The following PCDH15 variants were observed in gnomAD, a reference collection of about 807,000 sequenced individuals.
The protein encoded by PCDH15 is protocadherin-15.
A neutral mutation model predicts 178.5 loss-of-function variants in PCDH15; 129 were observed. The observed-to-expected ratio is 0.72, with a 90% CI of 0.63 to 0.84. The LOEUF (loss-of-function observed/expected upper bound fraction) is 0.84, where lower values mean the gene tolerates loss of function less well. PCDH15 is among the 40% of genes least tolerant of loss of function. The pLI is 0.00. For missense variants in PCDH15, 2,230 were observed against 2,099.9 expected, an observed-to-expected ratio of 1.06 and a Z score of -1.21; for synonymous variants, 800 against 732.0, an observed-to-expected ratio of 1.09 and a Z score of -1.50.
chr10:53,828,198 A>T (rs2076809962), intron 31 of PCDH15, among the ~76,000 whole-genome samples: 1 of 134,808 alleles, frequency 7.4e-6, no homozygotes, highest in African/African-American at 2.9e-5. Context: ...AAGAGCAAAA[A>T]GTCCGTCTCA....
chr10:54,017,383 G>T (rs1310703391), intron 20 of PCDH15, among the ~76,000 whole-genome samples: 1 of 152,012 alleles, frequency 6.6e-6, no homozygotes, highest in Non-Finnish European at 1.5e-5. Context: ...ACATGGAATC[G>T]ACCTAGATGC....
chr10:55,002,209 C>A (rs1415112231), intron 2 of PCDH15, among the ~76,000 whole-genome samples: 1 of 151,474 alleles, frequency 6.6e-6, no homozygotes, highest in Non-Finnish European at 1.5e-5. Flanking sequence ...TCTTAAAGTG[C>A]AAGATTATTT....
chr10:54,227,118 T>C (rs2053542150), intron 9 of PCDH15, among the ~76,000 whole-genome samples: 1 of 152,108 alleles, frequency 6.6e-6, no homozygotes, highest in Non-Finnish European at 1.5e-5. Context: ...TTCTCACAGC[T>C]CCACTAGGTG....
chr10:54,502,861 T>C (rs959999780), intron 3 of PCDH15, among the ~76,000 whole-genome samples: 1 of 152,102 alleles, frequency 6.6e-6, no homozygotes, highest in Non-Finnish European at 1.5e-5. Context: ...ATTAGCTTTA[T>C]GAGATTGTAA....
At chr10:54,881,492 A>T (rs2131806429) in intron 3 of PCDH15, among the ~76,000 whole-genome samples, 1 of 152,218 alleles carries the variant, frequency 6.6e-6, no homozygotes, top group East Asian at 1.9e-4. Flanking sequence ...GGGTGTAGAA[A>T]TAGCATGAAG....
intron 22 of PCDH15, among the ~76,000 whole-genome samples, chr10:53,960,746 C>A (rs2088209351): frequency 6.6e-6 from 1 of 152,134 alleles, no homozygotes; most frequent in Non-Finnish European, 1.5e-5. Flanking sequence ...TGCTAATTTA[C>A]AAACTGATCA....
At chr10:54,590,137 T>C (rs1196360589) in intron 2 of PCDH15, among the ~76,000 whole-genome samples, 5 of 152,174 alleles carry the variant, frequency 3.3e-5, no homozygotes, top group African/African-American at 1.2e-4. Flanking sequence ...TTAATGTTAT[T>C]TTATTCCATT....
intron 2 of PCDH15, among the ~76,000 whole-genome samples, chr10:54,911,534 C>T (rs2131835001): frequency 6.6e-6 from 1 of 152,300 alleles, no homozygotes; most frequent in East Asian, 1.9e-4. Flanking sequence ...GAAACACACA[C>T]TCAACTTTAC....
At chr10:55,198,025 C>T (rs543298483) in intron 1 of PCDH15, among the ~76,000 whole-genome samples, 4 of 152,056 alleles carry the variant, frequency 2.6e-5, no homozygotes, top group Middle Eastern at 6.8e-3. Flanking sequence ...TGTGTTCTGC[C>T]TCAGGAGGTA....
intron 2 of PCDH15, among the ~76,000 whole-genome samples, chr10:55,065,611 T>G (rs942181089): frequency 1.2e-4 from 18 of 152,092 alleles, no homozygotes; most frequent in African/African-American, 4.1e-4. Flanking sequence ...TCCTTACCAA[T>G]GCCCTTCTGC....
At chr10:54,535,683 C>G (rs1353642188) in intron 2 of PCDH15, among the ~76,000 whole-genome samples, 1 of 119,730 alleles carries the variant, frequency 8.4e-6, no homozygotes, top group Admixed American at 1.2e-4. Context: ...GCACTCCAGC[C>G]TGGCAGACAG....
intron 2 of PCDH15, among the ~76,000 whole-genome samples, chr10:55,598,525 TATATATATATATATA>T: frequency 3.9e-5 from 1 of 25,558 alleles, no homozygotes; most frequent in East Asian, 2.5e-3. Flanking sequence ...TATATATATA[TATATATATATATATA>T]TATATATATA....
chr10:54,545,176 A>G (rs2085704434), intron 2 of PCDH15, among the ~76,000 whole-genome samples: 1 of 152,214 alleles, frequency 6.6e-6, no homozygotes, highest in Non-Finnish European at 1.5e-5. Context: ...AAATTTTTAC[A>G]GTAGATATAA....
intron 2 of PCDH15, among the ~76,000 whole-genome samples, chr10:55,420,802 C>T (rs964411012): frequency 6.6e-6 from 1 of 151,530 alleles, no homozygotes; most frequent in Admixed American, 6.6e-5. Context: ...AACTACAAAT[C>T]AGTATTTACT....
chr10:55,576,113 T>A (rs756030398), intron 2 of PCDH15, among the ~76,000 whole-genome samples: 2 of 152,156 alleles, frequency 1.3e-5, no homozygotes, highest in African/African-American at 2.4e-5. Context: ...TGCATATAAC[T>A]TTTGACTCCC....
intron 2 of PCDH15, among the ~76,000 whole-genome samples, chr10:55,087,343 T>C (rs528066915): frequency 6.6e-6 from 1 of 152,256 alleles, no homozygotes; most frequent in East Asian, 1.9e-4. Flanking sequence ...AGATGTGTCT[T>C]CAAGGATAAC....
chr10:55,501,813 T>C (rs912134836), intron 2 of PCDH15, among the ~76,000 whole-genome samples: 5 of 151,692 alleles, frequency 3.3e-5, no homozygotes, highest in African/African-American at 1.2e-4. Flanking sequence ...AGTACCATGG[T>C]CAAGATTAAA....
intron 2 of PCDH15, among the ~76,000 whole-genome samples, chr10:55,626,141 G>A (rs1293298295): frequency 1.3e-5 from 2 of 151,284 alleles, no homozygotes; most frequent in Non-Finnish European, 2.9e-5. Flanking sequence ...GCAAGAGAGA[G>A]AGAAAGAGAG....
intron 3 of PCDH15, among the ~76,000 whole-genome samples, chr10:54,408,046 C>A (rs1248548909): frequency 1.6e-5 from 1 of 61,260 alleles, no homozygotes; most frequent in African/African-American, 5.2e-5. Flanking sequence ...CAGAATGAGA[C>A]TCTGTCAAAA....
Sources: gnomAD v4.1 joint callset for allele counts (sites outside exome capture counted in the v4.1 genomes callset) on GRCh38, gnomAD v4.1.1 for gene constraint, MANE v1.5 for transcripts, NCBI Gene and HGNC (gene_info 2026-07-23, HGNC 2026-07-21) for gene names.